ABLIM1: variants seen among roughly 807,000 people sequenced by gnomAD.
ABLIM1 encodes the protein actin binding LIM protein 1.
In ABLIM1, 40 loss-of-function variants were observed where a neutral mutation model predicts 107.0. The observed-to-expected ratio is 0.37, with a 90% CI of 0.29 to 0.49. The LOEUF (loss-of-function observed/expected upper bound fraction) is 0.49. Ranked by LOEUF, ABLIM1 falls within the 20% of genes least tolerant of loss-of-function variation. The pLI is 0.97. For synonymous variants in ABLIM1, 357 were observed against 357.3 expected, an observed-to-expected ratio of 1.00 and a Z score of 0.01; for missense variants, 857 against 1,008.5, an observed-to-expected ratio of 0.85 and a Z score of 2.04.
chr10:114,526,362 T>C (rs1267134411), intron 6 of ABLIM1, among the ~76,000 whole-genome samples: 2 of 152,184 alleles, frequency 1.3e-5, no homozygotes, highest in Non-Finnish European at 2.9e-5. Flanking sequence ...AACATAAGCC[T>C]TGTTTAAAAG....
chr10:114,528,078 C>T (rs2065044933), intron 6 of ABLIM1, among the ~76,000 whole-genome samples: 1 of 151,918 alleles, frequency 6.6e-6, no homozygotes, highest in Admixed American at 6.6e-5. Context: ...CCTTGTGATC[C>T]GCCCGCCTCA....
chr10:114,665,633 A>G (rs1363364307), intron 1 of ABLIM1, among the ~76,000 whole-genome samples: 2 of 152,260 alleles, frequency 1.3e-5, no homozygotes, highest in East Asian at 1.9e-4. Context: ...TTCTTTCTTT[A>G]GAGTACCAGA....
At chr10:114,439,602 T>C in intron 20 of ABLIM1, 1 of 393,538 alleles carries the variant, frequency 2.5e-6, no homozygotes, top group Non-Finnish European at 4.6e-6. Flanking sequence ...CTTTTCTTAT[T>C]CTCCATCACA....
At chr10:114,724,604 T>A (rs1378173675) in intron 1 of ABLIM1, among the ~76,000 whole-genome samples, 1 of 152,136 alleles carries the variant, frequency 6.6e-6, no homozygotes, top group African/African-American at 2.4e-5. Flanking sequence ...CTGAAAGGTA[T>A]TTATTTTGTA....
chr10:114,536,481 C>A (rs1357478106), intron 6 of ABLIM1, among the ~76,000 whole-genome samples: 1 of 151,994 alleles, frequency 6.6e-6, no homozygotes, highest in Non-Finnish European at 1.5e-5. Flanking sequence ...CTCCCGACCT[C>A]AGGTGATCTG....
chr10:114,540,612 C>T (rs2066537574), intron 6 of ABLIM1, among the ~76,000 whole-genome samples: 1 of 152,192 alleles, frequency 6.6e-6, no homozygotes, highest in Non-Finnish European at 1.5e-5. Context: ...CAACCTGCCC[C>T]AAGTCACTCA....
intron 8 of ABLIM1, among the ~76,000 whole-genome samples, chr10:114,477,929 G>T (rs2056734992): frequency 6.6e-6 from 1 of 152,100 alleles, no homozygotes. Context: ...TCACCCCATT[G>T]GCCAGGATGG....
intron 4 of ABLIM1, among the ~76,000 whole-genome samples, chr10:114,562,721 A>C (rs1388971145): frequency 6.6e-6 from 1 of 152,140 alleles, no homozygotes; most frequent in African/African-American, 2.4e-5. Flanking sequence ...CAGCAATCAG[A>C]CCTCACCATT....
chr10:114,505,263 C>T (rs2060968282), intron 6 of ABLIM1, among the ~76,000 whole-genome samples: 1 of 152,240 alleles, frequency 6.6e-6, no homozygotes, highest in African/African-American at 2.4e-5. Context: ...CCTTTCTTAA[C>T]ACCAGAAGAT....
chr10:114,713,891 G>A (rs1483294128), intron 1 of ABLIM1, among the ~76,000 whole-genome samples: 5 of 152,286 alleles, frequency 3.3e-5, no homozygotes, highest in East Asian at 3.9e-4. Context: ...GAATGGCAAC[G>A]AAGAGGGAAC....
intron 6 of ABLIM1, among the ~76,000 whole-genome samples, chr10:114,497,634 A>T (rs1458070318): frequency 1.5e-5 from 2 of 134,782 alleles, no homozygotes; most frequent in Admixed American, 8.3e-5. Flanking sequence ...GTAAGCCGAG[A>T]TCGCACCACT....
chr10:114,508,138 T>C (rs2135895966), intron 6 of ABLIM1, among the ~76,000 whole-genome samples: 1 of 152,314 alleles, frequency 6.6e-6, no homozygotes, highest in South Asian at 2.1e-4. Flanking sequence ...TTGCATTTCA[T>C]GACATTACAA....
chr10:114,699,575 T>A (rs142314982), intron 1 of ABLIM1, among the ~76,000 whole-genome samples: 3 of 152,072 alleles, frequency 2.0e-5, no homozygotes, highest in Admixed American at 1.3e-4. Flanking sequence ...TTCTACCTAA[T>A]AGGGGTAAGA....
At chr10:114,569,077 A>C (rs1194926692) in intron 4 of ABLIM1, among the ~76,000 whole-genome samples, 1 of 152,128 alleles carries the variant, frequency 6.6e-6, no homozygotes, top group Admixed American at 6.5e-5. Flanking sequence ...AGAGAGAGAG[A>C]GCAAGCAAAA....
chr10:114,786,746 C>T, the ABLIM1 span, among the ~76,000 whole-genome samples: 2 of 152,252 alleles, frequency 1.3e-5, no homozygotes, highest in African/African-American at 4.8e-5. Flanking sequence ...ATCCGCCAGC[C>T]TCCGCCTCCC....
At chr10:114,455,504 A>G (rs2062646783) in intron 12 of ABLIM1, among the ~76,000 whole-genome samples, 1 of 152,224 alleles carries the variant, frequency 6.6e-6, no homozygotes, top group Admixed American at 6.5e-5. Context: ...ACAGAGGAAA[A>G]CAGGGGAAGG....
At chr10:114,451,322 G>C (rs2061858376) in intron 14 of ABLIM1, among the ~76,000 whole-genome samples, 2 of 152,270 alleles carry the variant, frequency 1.3e-5, no homozygotes, top group South Asian at 4.1e-4. Context: ...AAAGAAAAAA[G>C]ACTTGCTAGG....
rs2079885969 is a variant in ABLIM1 at position 114,663,643 on chromosome 10, C to T, written c.64+20647G>A. Among the ~76,000 whole-genome samples the T allele has an allele frequency of 2.0e-5, 3 of 152,222 alleles. No individual in the cohort carries two copies. The South Asian group carries it at 6.2e-4, about 31-fold the overall frequency. ...GCTGCAAGATATAATTATCATTCCT[C>T]CTGGTTAGAGCATAGCTAAGTGCCA... On this transcript the variant is annotated intron_variant, in intron 1 of 23. Transcript: ENST00000369256.
intron 12 of ABLIM1, among the ~76,000 whole-genome samples, chr10:114,458,029 C>A (rs1346297605): frequency 1.3e-5 from 2 of 152,144 alleles, no homozygotes; most frequent in African/African-American, 4.8e-5. Context: ...GCCGAAATTG[C>A]ACCACTGCAC....
Sources: allele counts gnomAD v4.1 joint callset (sites outside exome capture counted in the v4.1 genomes callset), GRCh38; gene constraint gnomAD v4.1.1; transcripts MANE v1.5; gene names NCBI Gene and HGNC (gene_info 2026-07-23, HGNC 2026-07-21).